The following MACROD1 variants were observed in gnomAD, a reference collection of about 807,000 sequenced individuals.
MACROD1 encodes mono-ADP ribosylhydrolase 1.
In MACROD1, 31 loss-of-function variants were observed where a neutral mutation model predicts 41.4. The ratio of observed to expected loss-of-function variants is 0.75; its 90% CI spans 0.56 to 1.01. MACROD1 has a LOEUF of 1.01. Among genes scored for constraint, MACROD1 ranks in the 50% least tolerant of loss-of-function variants. MACROD1 has a pLI of 0.00. For missense variants in MACROD1, 473 were observed against 460.0 expected (o/e 1.03, Z -0.26); for synonymous variants, 252 against 203.4 (o/e 1.24, Z -2.03).
At position 64,152,316 on chromosome 11, in the gene MACROD1, G is replaced by A. The variant is rs1945593053; in HGVS notation, c.376C>T (p.Pro126Ser). ...CKDFVRLKKI[P>S]TWKEMAKGVA... is the part of the protein sequence containing the mutation. Reference sequence around the variant, plus strand: ...CCTTTCGCCATCTCCTTCCATGTCGGGATCTTCTTCAGCCTGACAAAGTCC... The same window carrying A: ...CCTTTCGCCATCTCCTTCCATGTCGAGATCTTCTTCAGCCTGACAAAGTCC... The change falls in exon 2 of 11, where the codon CCG becomes TCG. Residue 126 changes from proline to serine, a missense_variant. Pro to Ser is a moderately conservative substitution (Grantham distance 74). Transcript: ENST00000255681. The A allele has an allele frequency of 6.2e-7, 1 of 1,614,192 alleles. No homozygotes were observed. Among genetic ancestry groups the A allele is most frequent in the African/African-American group, 1.3e-5 (1 of 75,040 alleles).
intron 3 of MACROD1, among the ~76,000 whole-genome samples, chr11:64,137,262 A>G (rs1466325259): frequency 6.6e-6 from 1 of 152,190 alleles, no homozygotes; most frequent in Admixed American, 6.5e-5. Flanking sequence ...GACAGTGACA[A>G]ATAGGAGGGC....
rs1016791070 is a variant in MACROD1, at chr11:64,146,390, A to G, written c.517+4849T>C. Among the ~76,000 whole-genome samples, 1 of 152,182 alleles carries G rather than the reference A, an allele frequency of 6.6e-6. No individual in the cohort carries two copies. The highest frequency in any genetic ancestry group is 2.4e-5 in the African/African-American group (1 of 41,448). ...GGGGCCTGCGGGGGCTCCCTGGCTT[A>G]TCTCCTGCACATGGCAGCCCAATTT... On this transcript the variant is annotated intron_variant, in intron 3 of 10. Transcript: ENST00000255681. This position sits in a 1 kb window ranked among gnomAD's most constrained non-coding sequence, Gnocchi z 4.7.
intron 3 of MACROD1, among the ~76,000 whole-genome samples, chr11:64,045,999 G>A (rs967237558): frequency 3.3e-5 from 5 of 152,176 alleles, no homozygotes; most frequent in Non-Finnish European, 5.9e-5. Flanking sequence ...AACATGTCAC[G>A]TACAGTACTG....
chr11:64,041,423 G>T (rs543186947), intron 3 of MACROD1, among the ~76,000 whole-genome samples: 1 of 152,042 alleles, frequency 6.6e-6, no homozygotes, highest in East Asian at 1.9e-4. Flanking sequence ...GAACCAGGAG[G>T]GGCTTTTCCT....
At chr11:64,084,842 C>T (rs886161984) in intron 3 of MACROD1, among the ~76,000 whole-genome samples, 2 of 152,174 alleles carry the variant, frequency 1.3e-5, no homozygotes, top group Non-Finnish European at 2.9e-5. Flanking sequence ...TGCCCCGGCC[C>T]GGGAGGGGCG....
At chr11:64,125,427 C>A (rs1428742891) in intron 3 of MACROD1, among the ~76,000 whole-genome samples, 3 of 152,228 alleles carry the variant, frequency 2.0e-5, no homozygotes, top group Non-Finnish European at 4.4e-5. Flanking sequence ...CACAGGGGTA[C>A]TCAATCCTTT....
chr11:64,005,689 G>A (rs1002479764), intron 4 of MACROD1, among the ~76,000 whole-genome samples: 2 of 152,256 alleles, frequency 1.3e-5, no homozygotes, highest in Non-Finnish European at 1.5e-5. Flanking sequence ...TTACAGATGG[G>A]AGGCTGAGGC....
chr11:64,041,715 C>T (rs184702841), intron 3 of MACROD1, among the ~76,000 whole-genome samples: 3 of 152,168 alleles, frequency 2.0e-5, no homozygotes, highest in Admixed American at 6.5e-5. Flanking sequence ...TGAGCTCTCT[C>T]AAGCGACATA....
chr11:64,127,465 GC>G (rs2134648913), intron 3 of MACROD1, among the ~76,000 whole-genome samples: 2 of 151,400 alleles, frequency 1.3e-5, no homozygotes, highest in Non-Finnish European at 2.9e-5. Flanking sequence ...CCCGGGCCTT[GC>G]CCCCGAGGGT....
chr11:64,116,390 C>T lies in MACROD1; in HGVS notation c.517+34849G>A, dbSNP rs958881632. 4 of 1,613,894 alleles carry T rather than the reference C, an allele frequency of 2.5e-6. No homozygotes were observed. The highest frequency in any genetic ancestry group is 3.4e-6 in the Non-Finnish European group (4 of 1,180,010). ...ACTGGCTGTTCCTCTGCTACGGGCT[C>T]ATCGCCTTCCTGACGGAGGTCATCG... On this transcript the variant is annotated intron_variant, in intron 3 of 10. Transcript: ENST00000255681.
chr11:64,165,986 T>C lies in MACROD1; in HGVS notation c.9A>G (p.Leu3=), dbSNP rs2134746975. 7.8e-7 allele frequency: 1 copy of C among 1,274,596 alleles called. No individual in the cohort carries two copies. Among genetic ancestry groups the C allele is most frequent in the Non-Finnish European group, 9.9e-7 (1 of 1,014,806 alleles). The allele number at this position is 1,274,596 out of a possible 1,614,324, so 79.0% of individuals were successfully genotyped here. A position where few individuals can be genotyped will look rare whatever the true frequency, so the allele number is the denominator to read the frequency against. Residue 3 remains leucine, a synonymous_variant, in exon 1 of 11, where the codon CTA becomes CTG. Coordinates refer to ENST00000255681, the MANE Select transcript of MACROD1 (RefSeq NM_014067.4). The stretch of plus-strand genomic sequence containing the variant: ...CCAGGCGGCCGGACAGTCGGCTCTG[T>C]AGAGACATGAGCGGGCGGCGCGGGA... MS[L]QSRLSGRLAQ...
intron 3 of MACROD1, among the ~76,000 whole-genome samples, chr11:64,123,357 A>G (rs1214559497): frequency 6.6e-6 from 1 of 151,994 alleles, no homozygotes; most frequent in Non-Finnish European, 1.5e-5. Context: ...TTTCTTAAGG[A>G]GGGATAAAAA....
intron 3 of MACROD1, among the ~76,000 whole-genome samples, chr11:64,066,076 C>T (rs1944000109): frequency 6.6e-6 from 1 of 151,864 alleles, no homozygotes; most frequent in African/African-American, 2.4e-5. Context: ...GTGGGCGGAT[C>T]ACCTGAGGTC....
In MACROD1 at chr11:63,998,625, C is replaced by G; in HGVS notation, c.*93G>C. The stretch of plus-strand genomic sequence containing the variant: ...CGGAGGGAAAGAAGGGGTGGCCAGG[C>G]CCAGGCCAGGCTGCAGGCTTTGGCG... On this transcript the variant is annotated 3_prime_UTR_variant, in exon 11 of 11. Transcript: ENST00000255681. The G allele has an allele frequency of 1.5e-6, 2 of 1,300,020 alleles. No homozygotes were observed. The highest frequency in any genetic ancestry group is 1.9e-6 in the Non-Finnish European group (2 of 1,027,144). The allele number at this position is 1,300,020 out of a possible 1,614,324, so 80.5% of individuals were successfully genotyped here. A position where few individuals can be genotyped will look rare whatever the true frequency, so the allele number is the denominator to read the frequency against.
chr11:64,116,308 C>A (rs1202192866), intron 3 of MACROD1: 1 of 1,607,550 alleles, frequency 6.2e-7, no homozygotes. Flanking sequence ...ACCACCACGC[C>A]CACTGCCACT....
At chr11:64,044,168 A>G (rs910518162) in intron 3 of MACROD1, among the ~76,000 whole-genome samples, 1 of 151,884 alleles carries the variant, frequency 6.6e-6, no homozygotes, top group Non-Finnish European at 1.5e-5. Context: ...CCTACAACAC[A>G]TGAGAGTAAT....
At chr11:64,131,446 C>G (rs539403814) in intron 3 of MACROD1, among the ~76,000 whole-genome samples, 10 of 152,320 alleles carry the variant, frequency 6.6e-5, no homozygotes, top group Admixed American at 6.5e-4. Flanking sequence ...CCTGCCTCAG[C>G]CTCCCAAGTA....
At chr11:64,115,645 C>T (rs1370613966) in intron 3 of MACROD1, among the ~76,000 whole-genome samples, 2 of 152,224 alleles carry the variant, frequency 1.3e-5, no homozygotes, top group African/African-American at 4.8e-5. Flanking sequence ...CTGACAGCTT[C>T]GTTCCCGCAG....
intron 1 of MACROD1, among the ~76,000 whole-genome samples, chr11:64,159,716 C>T (rs1945724983): frequency 6.7e-6 from 1 of 150,192 alleles, no homozygotes; most frequent in Non-Finnish European, 1.5e-5. Flanking sequence ...ATTGCCTGAA[C>T]CCAGGAGGCA....
Sources: gnomAD v4.1 joint callset for allele counts (sites outside exome capture counted in the v4.1 genomes callset) on GRCh38, gnomAD v4.1.1 for gene constraint, Gnocchi (gnomAD v3.1) non-coding constraint, MANE v1.5 for transcripts, NCBI Gene and HGNC (gene_info 2026-07-23, HGNC 2026-07-21) for gene names.